HERPUD2: variants seen among roughly 807,000 people sequenced by gnomAD.
HERPUD2 encodes homocysteine-responsive endoplasmic reticulum-resident ubiquitin-like domain member 2 protein.
A neutral mutation model predicts 49.9 loss-of-function variants in HERPUD2; 13 were observed. The ratio of observed to expected loss-of-function variants is 0.26; its 90% confidence interval spans 0.17 to 0.41. The LOEUF (loss-of-function observed/expected upper bound fraction) is 0.41, where lower values mean the gene tolerates loss of function less well. Among genes scored for constraint, HERPUD2 ranks in the 10% least tolerant of loss-of-function variants. The pLI is 1.00. For synonymous variants in HERPUD2, 172 were observed against 171.4 expected (o/e 1.00, Z -0.03); for missense variants, 449 against 492.2 (o/e 0.91, Z 0.83).
intron 6 of HERPUD2, among the ~76,000 whole-genome samples, chr7:35,637,726 G>A (rs1245696128): frequency 5.3e-5 from 8 of 152,168 alleles, no homozygotes; most frequent in Admixed American, 4.6e-4. Context: ...TAACAAATAC[G>A]TGATGAACTG....
chr7:35,674,566 T>C (rs1489471294), intron 2 of HERPUD2, among the ~76,000 whole-genome samples: 1 of 151,710 alleles, frequency 6.6e-6, no homozygotes, highest in Non-Finnish European at 1.5e-5. Context: ...AAGATGAGTA[T>C]CTTTAGTGTG....
At chr7:35,666,633 T>C (rs1047922278) in intron 5 of HERPUD2, among the ~76,000 whole-genome samples, 7 of 152,172 alleles carry the variant, frequency 4.6e-5, no homozygotes, top group African/African-American at 1.7e-4. Context: ...CAAACAATAA[T>C]ACCCCAGTAA....
intron 5 of HERPUD2, among the ~76,000 whole-genome samples, chr7:35,656,268 C>G (rs1367582066): frequency 4.0e-5 from 6 of 151,814 alleles, no homozygotes; most frequent in Non-Finnish European, 7.4e-5. Context: ...TAAATTTAAC[C>G]AAGTAGGTTA....
chr7:35,693,849 G>A (rs1227932707), intron 2 of HERPUD2, among the ~76,000 whole-genome samples: 2 of 152,158 alleles, frequency 1.3e-5, no homozygotes, highest in Non-Finnish European at 2.9e-5. Context: ...TGTTGGTAAG[G>A]CTGGTCTCGA....
intron 2 of HERPUD2, among the ~76,000 whole-genome samples, chr7:35,691,363 T>C (rs1786182222): frequency 1.3e-5 from 2 of 150,338 alleles, no homozygotes; most frequent in Admixed American, 6.7e-5. Context: ...ATATGACCTA[T>C]CTTTGTAGGA....
chr7:35,672,567 A>G (rs538191223), intron 3 of HERPUD2, among the ~76,000 whole-genome samples: 1 of 152,196 alleles, frequency 6.6e-6, no homozygotes, highest in Admixed American at 6.5e-5. Context: ...GGCAAAACAA[A>G]GAAGAAATTC....
intron 4 of HERPUD2, among the ~76,000 whole-genome samples, chr7:35,669,929 G>A (rs1270952966): frequency 1.3e-5 from 2 of 151,884 alleles, no homozygotes; most frequent in Non-Finnish European, 2.9e-5. Flanking sequence ...ACATAATTCC[G>A]TTTTCTGAGT....
intron 2 of HERPUD2, among the ~76,000 whole-genome samples, chr7:35,674,721 G>T (rs1338539283): frequency 6.7e-6 from 1 of 149,354 alleles, no homozygotes; most frequent in Non-Finnish European, 1.5e-5. Flanking sequence ...ACAAACCAAT[G>T]ACCAATGATT....
chr7:35,684,690 A>G (rs537173817), intron 2 of HERPUD2, among the ~76,000 whole-genome samples: 5 of 152,310 alleles, frequency 3.3e-5, no homozygotes, highest in African/African-American at 1.2e-4. Flanking sequence ...TGGGAGTTAA[A>G]GCTATGAGGA....
At chr7:35,691,462 T>C (rs10046484) in intron 2 of HERPUD2, among the ~76,000 whole-genome samples, 140 of 152,108 alleles carry the variant, frequency 9.2e-4, no homozygotes, top group African/African-American at 3.3e-3. Context: ...AGGAACAAAG[T>C]CCCTCCACCT....
At position 35,686,535 on chromosome 7, in the gene HERPUD2, C is replaced by T. The variant is rs545248963; in HGVS notation, c.147+7649G>A. 3.1e-4 allele frequency among the ~76,000 whole-genome samples: 45 copies of T among 146,618 alleles called. 1 individual carries two copies. The East Asian group carries it at 9.3e-3, about 30-fold the overall frequency. ...AAAACCCATTTCCACCCGGCTAAAA[C>T]GGTGAAACCCCGTCTCTACTAAAAA... On this transcript the variant is annotated intron_variant, in intron 2 of 8. Coordinates refer to ENST00000311350, the MANE Select transcript of HERPUD2 (RefSeq NM_022373.5).
At chr7:35,636,666 G>A (rs1206720052) in intron 6 of HERPUD2, among the ~76,000 whole-genome samples, 1 of 152,140 alleles carries the variant, frequency 6.6e-6, no homozygotes, top group Non-Finnish European at 1.5e-5. Flanking sequence ...CCTGTCTGGA[G>A]CCAAGGGCTT....
chr7:35,685,773 T>C (rs1786025760), intron 2 of HERPUD2, among the ~76,000 whole-genome samples: 1 of 151,548 alleles, frequency 6.6e-6, no homozygotes, highest in Non-Finnish European at 1.5e-5. Context: ...AGGTCAGGAG[T>C]TCCAGACCAG....
At chr7:35,679,560 C>G (rs546367649) in intron 2 of HERPUD2, among the ~76,000 whole-genome samples, 85 of 152,186 alleles carry the variant, frequency 5.6e-4, no homozygotes, top group Non-Finnish European at 1.1e-3. Context: ...GAAGAGGAAT[C>G]AAGGTTTAGA....
At chr7:35,659,469 G>A (rs1256316863) in intron 5 of HERPUD2, among the ~76,000 whole-genome samples, 1 of 152,200 alleles carries the variant, frequency 6.6e-6, no homozygotes, top group South Asian at 2.1e-4. Context: ...AAGGATGAAA[G>A]AATTTATAAG....
intron 5 of HERPUD2, among the ~76,000 whole-genome samples, chr7:35,659,153 A>T (rs1396637629): frequency 6.6e-6 from 1 of 152,232 alleles, no homozygotes; most frequent in Non-Finnish European, 1.5e-5. Context: ...AAATTGTTCA[A>T]GGTCACTAAA....
At chr7:35,658,773 G>A (rs1785344714) in intron 5 of HERPUD2, among the ~76,000 whole-genome samples, 1 of 152,202 alleles carries the variant, frequency 6.6e-6, no homozygotes, top group Non-Finnish European at 1.5e-5. Flanking sequence ...AACAGACTGA[G>A]TCCAAAAACA....
chr7:35,685,926 A>G (rs1583571476), intron 2 of HERPUD2, among the ~76,000 whole-genome samples: 1 of 151,958 alleles, frequency 6.6e-6, no homozygotes. Context: ...GTGCCACTGC[A>G]CTCCAGCCTG....
chr7:35,662,666 G>T (rs1785449794), intron 5 of HERPUD2, among the ~76,000 whole-genome samples: 1 of 152,168 alleles, frequency 6.6e-6, no homozygotes, highest in Admixed American at 6.5e-5. Flanking sequence ...TTGCGTAGAG[G>T]TGTTTATAGT....
Sources: allele counts gnomAD v4.1 joint callset (sites outside exome capture counted in the v4.1 genomes callset), GRCh38; gene constraint gnomAD v4.1.1; transcripts MANE v1.5; gene names NCBI Gene and HGNC (gene_info 2026-07-23, HGNC 2026-07-21).